Variants in CDK7 observed in about 807,000 individuals in gnomAD.
The protein encoded by CDK7 is cyclin dependent kinase 7.
CDK7 carries 25 observed loss-of-function variants against 49.1 expected under a neutral mutation model. The observed-to-expected ratio is 0.51, with a 90% CI of 0.37 to 0.71. The LOEUF (loss-of-function observed/expected upper bound fraction) is 0.71. Ranked by LOEUF, CDK7 falls within the 30% of genes least tolerant of loss-of-function variation. The pLI is 0.00. For missense variants in CDK7, 316 were observed against 411.7 expected, an observed-to-expected ratio of 0.77 and a Z score of 2.01; for synonymous variants, 107 against 140.0, an observed-to-expected ratio of 0.76 and a Z score of 1.67.
chr5:69,241,102 G>A (rs1749340247), intron 2 of CDK7, among the ~76,000 whole-genome samples: 1 of 152,068 alleles, frequency 6.6e-6, no homozygotes, highest in Non-Finnish European at 1.5e-5. Flanking sequence ...TATATACATA[G>A]CAATGGAATT....
chr5:69,259,907 T>C lies in CDK7; in HGVS notation c.498T>C (p.Asn166=). 6.2e-7 allele frequency: 1 copy of C among 1,612,230 alleles called. No individual in the cohort carries two copies. Among genetic ancestry groups the C allele is most frequent in the Non-Finnish European group, 8.5e-7 (1 of 1,178,226 alleles). The part of the protein sequence containing the change: ...FGLAKSFGSP[N]RAYTHQVVTR... ...TGGCCAAATCTTTTGGGAGCCCCAA[T>C]AGAGCTTATACACATCAGGTTGTAA... Residue 166 remains asparagine, a synonymous_variant, in exon 7 of 12, where the codon AAT becomes AAC. Coordinates refer to ENST00000256443, the MANE Select transcript of CDK7 (RefSeq NM_001799.4).
intron 2 of CDK7, among the ~76,000 whole-genome samples, chr5:69,248,825 C>T (rs1212880947): frequency 1.2e-4 from 7 of 56,402 alleles, no homozygotes; most frequent in African/African-American, 3.6e-4. Context: ...TTTTTGGAGA[C>T]GGAGTCTTGT....
At chr5:69,257,284 C>G (rs1750550436) in intron 5 of CDK7, among the ~76,000 whole-genome samples, 2 of 152,036 alleles carry the variant, frequency 1.3e-5, no homozygotes, top group Non-Finnish European at 2.9e-5. Flanking sequence ...TGTCAAAACT[C>G]ATGGAACTAT....
At chr5:69,256,174 T>C (rs1393198291) in intron 5 of CDK7, among the ~76,000 whole-genome samples, 1 of 151,940 alleles carries the variant, frequency 6.6e-6, no homozygotes, top group African/African-American at 2.4e-5. Context: ...ACGCCTGTAA[T>C]CTCAGCACTT....
intron 7 of CDK7, among the ~76,000 whole-genome samples, chr5:69,260,653 G>C (rs1182654278): frequency 6.6e-6 from 1 of 152,024 alleles, no homozygotes; most frequent in East Asian, 1.9e-4. Flanking sequence ...CTTGATATTT[G>C]AATTTTTCAT....
At chr5:69,269,620 C>T (rs1321956124) in intron 9 of CDK7, among the ~76,000 whole-genome samples, 1 of 151,840 alleles carries the variant, frequency 6.6e-6, no homozygotes, top group Non-Finnish European at 1.5e-5. Flanking sequence ...GACTCCTTGA[C>T]AAAAATGGGT....
At chr5:69,255,309 G>C (rs1284028624) in intron 4 of CDK7, 151 bp from the exon 5 acceptor site, 4 of 513,404 alleles carry the variant, frequency 7.8e-6, no homozygotes, top group African/African-American at 7.7e-5. Flanking sequence ...GTCCAAAAAA[G>C]GACAAATGTC....
chr5:69,267,063 A>T (rs1751203811), intron 8 of CDK7, among the ~76,000 whole-genome samples: 1 of 152,198 alleles, frequency 6.6e-6, no homozygotes, highest in African/African-American at 2.4e-5. Flanking sequence ...CTTAAGTCCC[A>T]AAGCAGCTCT....
intron 6 of CDK7, among the ~76,000 whole-genome samples, chr5:69,258,632 T>G: frequency 6.6e-6 from 1 of 152,142 alleles, no homozygotes; most frequent in East Asian, 1.9e-4. Flanking sequence ...TCTGCCCATC[T>G]TGGCCTCCCA....
intron 2 of CDK7, among the ~76,000 whole-genome samples, chr5:69,249,768 C>T (rs999206122): frequency 6.6e-6 from 1 of 152,158 alleles, no homozygotes. Context: ...ATTGCTTGAA[C>T]CCAGGAGGCA....
chr5:69,259,440 A>T (rs1750682198), intron 6 of CDK7, among the ~76,000 whole-genome samples: 1 of 152,162 alleles, frequency 6.6e-6, no homozygotes, highest in Admixed American at 6.6e-5. Context: ...GAAGAATGTC[A>T]TCCTCATTCT....
At chr5:69,241,619 C>T (rs767061824) in intron 2 of CDK7, among the ~76,000 whole-genome samples, 2 of 152,070 alleles carry the variant, frequency 1.3e-5, no homozygotes, top group Non-Finnish European at 2.9e-5. Context: ...CCAACGGGCC[C>T]GGCCCTCATT....
At chr5:69,265,769 G>A (rs974904462) in intron 8 of CDK7, among the ~76,000 whole-genome samples, 5 of 152,148 alleles carry the variant, frequency 3.3e-5, no homozygotes, top group African/African-American at 1.2e-4. Flanking sequence ...AATTAGCCGG[G>A]CATGGTATTG....
At position 69,248,640 on chromosome 5, in the gene CDK7, G is replaced by A. The variant is rs574213298; in HGVS notation, c.127-3778G>A. 2.6e-5 allele frequency among the ~76,000 whole-genome samples: 4 copies of A among 151,972 alleles called. No homozygotes were observed. The South Asian group carries it at 6.2e-4, about 24-fold the overall frequency. ...CTACCTCAGGTGACCCACCCTCCTC[G>A]GCCTCCCAAAGTGCTGGAATTACAG... is the stretch of plus-strand genomic sequence containing the variant. On this transcript the variant is annotated intron_variant, in intron 2 of 11. Coordinates refer to ENST00000256443, the MANE Select transcript of CDK7 (RefSeq NM_001799.4).
At chr5:69,265,492 TCAA>T (rs1391221289) in intron 8 of CDK7, among the ~76,000 whole-genome samples, 3 of 152,214 alleles carry the variant, frequency 2.0e-5, no homozygotes, top group African/African-American at 7.2e-5. Flanking sequence ...ATGAGCCTTC[TCAA>T]CAGCAGCACT....
intron 8 of CDK7, among the ~76,000 whole-genome samples, chr5:69,264,668 C>T (rs1409148499): frequency 1.3e-5 from 2 of 152,062 alleles, no homozygotes; most frequent in African/African-American, 2.4e-5. Flanking sequence ...ACTAAAAGTG[C>T]CATGAAGAGT....
chr5:69,268,285 C>A (rs1751294514), intron 8 of CDK7, among the ~76,000 whole-genome samples: 1 of 152,148 alleles, frequency 6.6e-6, no homozygotes, highest in South Asian at 2.1e-4. Flanking sequence ...TTATGTGTAT[C>A]AGCACTGCTT....
chr5:69,244,636 C>CAAAA, intron 2 of CDK7, among the ~76,000 whole-genome samples: 1 of 94,890 alleles, frequency 1.1e-5, no homozygotes, highest in South Asian at 3.9e-4. Context: ...AACTCCGTCT[C>CAAAA]AAAAAAAAAA....
At chr5:69,239,478 C>G (rs1176804118) in intron 2 of CDK7, among the ~76,000 whole-genome samples, 2 of 152,012 alleles carry the variant, frequency 1.3e-5, no homozygotes, top group African/African-American at 4.8e-5. Context: ...ACTTTGTTGT[C>G]CAGTCTGGTA....
Sources: allele counts gnomAD v4.1 joint callset (sites outside exome capture counted in the v4.1 genomes callset), GRCh38; gene constraint gnomAD v4.1.1; transcripts MANE v1.5; gene names NCBI Gene and HGNC (gene_info 2026-07-23, HGNC 2026-07-21).